The following HS3ST4 variants were observed in gnomAD, a reference collection of about 807,000 sequenced individuals.
HS3ST4 encodes heparan sulfate glucosamine 3-O-sulfotransferase 4.
In HS3ST4, 17 loss-of-function variants were observed where a neutral mutation model predicts 29.2. The observed-to-expected ratio is 0.58, with a 90% CI of 0.40 to 0.87. HS3ST4 has a LOEUF of 0.87. Ranked by LOEUF, HS3ST4 falls within the 40% of genes least tolerant of loss-of-function variation. The probability of loss-of-function intolerance (pLI) is 0.00; values close to 1 mark genes in which losing one functional copy is unlikely to be tolerated. For missense variants in HS3ST4, 627 were observed against 634.5 expected (o/e 0.99, Z 0.13); for synonymous variants, 314 against 285.7 (o/e 1.10, Z -1.00).
intron 1 of HS3ST4, among the ~76,000 whole-genome samples, chr16:26,041,037 C>T (rs62034513): frequency 0.084 from 12,736 of 152,188 alleles, 695 homozygotes; most frequent in East Asian, 0.18. Flanking sequence ...CCTGGCTACA[C>T]GTTGGAATCA....
At chr16:25,970,598 C>A (rs1567284269) in intron 1 of HS3ST4, among the ~76,000 whole-genome samples, 1 of 152,142 alleles carries the variant, frequency 6.6e-6, no homozygotes, top group East Asian at 1.9e-4. Context: ...TAGCCTCAAC[C>A]CCCTGGACTC....
chr16:25,706,566 T>A (rs1157642115), intron 1 of HS3ST4, among the ~76,000 whole-genome samples: 1 of 152,072 alleles, frequency 6.6e-6, no homozygotes, highest in Non-Finnish European at 1.5e-5. Context: ...TGGTGTGTGA[T>A]GTTCCCCTCC....
At chr16:25,894,876 C>T (rs1968044297) in intron 1 of HS3ST4, among the ~76,000 whole-genome samples, 1 of 152,138 alleles carries the variant, frequency 6.6e-6, no homozygotes, top group South Asian at 2.1e-4. Context: ...TTTACCTCCA[C>T]TATGGAATGC....
intron 1 of HS3ST4, among the ~76,000 whole-genome samples, chr16:25,901,455 G>A (rs2141673469): frequency 6.6e-6 from 1 of 152,264 alleles, no homozygotes; most frequent in Admixed American, 6.5e-5. Context: ...TGGATCACTG[G>A]AGGTCAGGAG....
intron 1 of HS3ST4, chr16:26,032,896 C>T: frequency 1.8e-6 from 2 of 1,094,448 alleles, no homozygotes; most frequent in South Asian, 1.3e-5. Flanking sequence ...GGGGGTCGTT[C>T]TCGCCTCTTC....
intron 1 of HS3ST4, among the ~76,000 whole-genome samples, chr16:25,713,086 G>T (rs1291993015): frequency 6.6e-6 from 1 of 151,490 alleles, no homozygotes; most frequent in African/African-American, 2.4e-5. Flanking sequence ...GTAAGTTCTG[G>T]GATACACATG....
intron 1 of HS3ST4, among the ~76,000 whole-genome samples, chr16:25,872,039 T>G (rs1365863937): frequency 2.0e-5 from 3 of 152,182 alleles, no homozygotes; most frequent in Non-Finnish European, 4.4e-5. Flanking sequence ...CACTTAGCCA[T>G]GTAGGGGGAG....
At chr16:26,074,127 C>T (rs570061543) in intron 1 of HS3ST4, among the ~76,000 whole-genome samples, 19 of 152,222 alleles carry the variant, frequency 1.2e-4, no homozygotes, top group South Asian at 6.2e-4. Context: ...CATTTCCAAG[C>T]GGCTCCCTCC....
intron 1 of HS3ST4, among the ~76,000 whole-genome samples, chr16:26,109,581 AC>A (rs1158924182): frequency 6.7e-6 from 1 of 148,372 alleles, no homozygotes; most frequent in East Asian, 2.0e-4. Flanking sequence ...CATGTCCATC[AC>A]CCCACACCTC....
At chr16:25,878,879 T>C (rs1199909746) in intron 1 of HS3ST4, among the ~76,000 whole-genome samples, 1 of 152,182 alleles carries the variant, frequency 6.6e-6, no homozygotes, top group Non-Finnish European at 1.5e-5. Context: ...CCCTCTCTTT[T>C]GGTTAAAGTG....
chr16:26,006,631 G>A (rs1596642245), intron 1 of HS3ST4, among the ~76,000 whole-genome samples: 1 of 152,182 alleles, frequency 6.6e-6, no homozygotes, highest in Non-Finnish European at 1.5e-5. Flanking sequence ...TCATAGTGGT[G>A]TAGAAAATGG....
At chr16:25,957,462 G>T (rs1350413715) in intron 1 of HS3ST4, among the ~76,000 whole-genome samples, 1 of 151,986 alleles carries the variant, frequency 6.6e-6, no homozygotes. Flanking sequence ...TTGTTGCCCA[G>T]GCTGGAGTGC....
chr16:26,110,285 C>T (rs1387168280), intron 1 of HS3ST4, among the ~76,000 whole-genome samples: 1 of 152,102 alleles, frequency 6.6e-6, no homozygotes, highest in Non-Finnish European at 1.5e-5. Context: ...ATATGGTATA[C>T]ATACATCACA....
At chr16:25,918,126 T>C (rs909074118) in intron 1 of HS3ST4, among the ~76,000 whole-genome samples, 4 of 152,242 alleles carry the variant, frequency 2.6e-5, no homozygotes, top group Non-Finnish European at 4.4e-5. Context: ...ACACATTTGT[T>C]GGACAGTAGG....
chr16:25,840,974 GTTTATTTATTTATTTATTTA>G (rs201567916), intron 1 of HS3ST4, among the ~76,000 whole-genome samples: 719 of 51,976 alleles, frequency 0.014, 6 homozygotes, highest in Middle Eastern at 0.067. Context: ...ATATTTGTTT[GTTTATTTATTTATTTATTTA>G]TTTATTTATT....
intron 1 of HS3ST4, among the ~76,000 whole-genome samples, chr16:25,918,556 G>A (rs1472863456): frequency 2.6e-5 from 4 of 152,234 alleles, no homozygotes; most frequent in African/African-American, 9.6e-5. Flanking sequence ...GAGGCCAATG[G>A]ACTGAAATCT....
Position 25,692,456 on chromosome 16 carries a change from GCCTCCA to G in HS3ST4, c.44_49del (p.Pro15_Pro16del), listed in dbSNP as rs1362888718. Reference sequence around the variant, plus strand: ...CCGCACCTCCTCCGCCTCCGCCTCCGCCTCCACCTCTGGCCGCGCCGCCGCCGCCCG... The same window carrying G: ...CCGCACCTCCTCCGCCTCCGCCTCCGCCTCTGGCCGCGCCGCCGCCGCCCG... On this transcript the variant is annotated inframe_deletion, in exon 1 of 2. Transcript: ENST00000331351. 7 of 1,317,204 alleles carry G rather than the reference GCCTCCA, an allele frequency of 5.3e-6. No individual in the cohort carries two copies. Among genetic ancestry groups the G allele is most frequent in the African/African-American group, 3.1e-5 (2 of 64,198 alleles). The allele number at this position is 1,317,204 out of a possible 1,614,324, so 81.6% of individuals were successfully genotyped here.
At chr16:25,755,977 G>C (rs1375674400) in intron 1 of HS3ST4, among the ~76,000 whole-genome samples, 1 of 152,154 alleles carries the variant, frequency 6.6e-6, no homozygotes, top group Non-Finnish European at 1.5e-5. Flanking sequence ...GCTAGTTTGA[G>C]AGATCTGTCT....
intron 1 of HS3ST4, among the ~76,000 whole-genome samples, chr16:25,808,354 C>CT (rs1967008862): frequency 6.6e-6 from 1 of 152,166 alleles, no homozygotes; most frequent in Non-Finnish European, 1.5e-5. Flanking sequence ...TGCAAATTGT[C>CT]TAATTGCCCA....
Sources: allele counts gnomAD v4.1 joint callset (sites outside exome capture counted in the v4.1 genomes callset), GRCh38; gene constraint gnomAD v4.1.1; transcripts MANE v1.5; gene names NCBI Gene and HGNC (gene_info 2026-07-23, HGNC 2026-07-21).